The following DPYD variants were observed in gnomAD, a reference collection of about 807,000 sequenced individuals.
The protein encoded by DPYD is dihydropyrimidine dehydrogenase.
DPYD carries 109 observed loss-of-function variants against 116.2 expected under a neutral mutation model. That is an observed-to-expected ratio of 0.94 (90% CI 0.80 to 1.10). The LOEUF is 1.10. DPYD is among the 50% of genes least tolerant of loss of function. The pLI, the probability that DPYD is intolerant of heterozygous loss-of-function variation, is 0.00. For synonymous variants in DPYD, 440 were observed against 432.0 expected, an observed-to-expected ratio of 1.02 and a Z score of -0.23; for missense variants, 1,302 against 1,254.5, an observed-to-expected ratio of 1.04 and a Z score of -0.57.
intron 8 of DPYD, among the ~76,000 whole-genome samples, chr1:97,678,355 T>C (rs1052273830): frequency 2.0e-5 from 3 of 152,130 alleles, no homozygotes; most frequent in African/African-American, 7.2e-5. Flanking sequence ...AACAGTATAG[T>C]ACTAGTTCGT....
chr1:97,232,980 G>A (rs540868566), intron 19 of DPYD, among the ~76,000 whole-genome samples: 2 of 152,090 alleles, frequency 1.3e-5, no homozygotes, highest in Admixed American at 1.3e-4. Flanking sequence ...TTGAAATCTT[G>A]ACAATTTTGG....
chr1:97,437,308 T>C (rs1675523766), intron 14 of DPYD, among the ~76,000 whole-genome samples: 1 of 151,580 alleles, frequency 6.6e-6, no homozygotes, highest in Admixed American at 6.6e-5. Flanking sequence ...TGTTTTTTTT[T>C]TTGAATCTGG....
intron 19 of DPYD, among the ~76,000 whole-genome samples, chr1:97,211,509 G>A (rs1438646797): frequency 6.6e-6 from 1 of 152,098 alleles, no homozygotes; most frequent in East Asian, 1.9e-4. Flanking sequence ...TACACTGTTT[G>A]ATAATATGAA....
At chr1:97,406,702 C>G (rs2101652818) in intron 14 of DPYD, among the ~76,000 whole-genome samples, 1 of 152,100 alleles carries the variant, frequency 6.6e-6, no homozygotes, top group East Asian at 1.9e-4. Context: ...TTCCAAGTAC[C>G]TTACATGTGT....
chr1:97,268,945 T>C (rs1001076834), intron 18 of DPYD, among the ~76,000 whole-genome samples: 3 of 152,216 alleles, frequency 2.0e-5, no homozygotes, highest in African/African-American at 7.2e-5. Context: ...TGAGAGTTTT[T>C]CAATGTTTTC....
At chr1:97,591,766 A>G (rs1654537304) in intron 10 of DPYD, among the ~76,000 whole-genome samples, 1 of 152,122 alleles carries the variant, frequency 6.6e-6, no homozygotes, top group African/African-American at 2.4e-5. Context: ...TTCAAAACCT[A>G]TTTCTCAAGT....
At chr1:97,230,852 T>C (rs1241988662) in intron 19 of DPYD, among the ~76,000 whole-genome samples, 1 of 152,252 alleles carries the variant, frequency 6.6e-6, no homozygotes, top group East Asian at 1.9e-4. Flanking sequence ...AAAAGAGAGA[T>C]GGCAAAGGTC....
chr1:97,900,147 T>A (rs1013375282), intron 1 of DPYD, among the ~76,000 whole-genome samples: 4 of 152,056 alleles, frequency 2.6e-5, no homozygotes, highest in South Asian at 2.1e-4. Context: ...TTGTTTTTCC[T>A]GTTCTTCTCT....
chr1:97,899,691 G>A (rs12125748), intron 1 of DPYD, among the ~76,000 whole-genome samples: 2,229 of 151,846 alleles, frequency 0.015, 24 homozygotes, highest in Non-Finnish European at 0.024. Flanking sequence ...AAACAATACA[G>A]AAAAATTTTC....
chr1:97,136,919 T>C (rs1050392663), intron 20 of DPYD, among the ~76,000 whole-genome samples: 1 of 152,176 alleles, frequency 6.6e-6, no homozygotes. Flanking sequence ...ATCGTTAAAA[T>C]GGACAACTAA....
chr1:97,720,295 T>C (rs1662851098), intron 5 of DPYD: 2 of 985,276 alleles, frequency 2.0e-6, no homozygotes, highest in African/African-American at 1.7e-5. Context: ...GACCTTTCAC[T>C]TACTGCATCT....
chr1:97,549,977 G>T (rs2102086667), intron 11 of DPYD, among the ~76,000 whole-genome samples: 1 of 152,232 alleles, frequency 6.6e-6, no homozygotes, highest in African/African-American at 2.4e-5. Context: ...CCACAGATTT[G>T]GTCAATGTTT....
chr1:97,720,726 A>C (rs1662875915), intron 5 of DPYD: 8 of 1,425,074 alleles, frequency 5.6e-6, no homozygotes. Flanking sequence ...GTTGACGGGC[A>C]CTTAATTTGA....
chr1:97,146,229 T>G (rs2101707020), intron 20 of DPYD, among the ~76,000 whole-genome samples: 1 of 152,310 alleles, frequency 6.6e-6, no homozygotes, highest in Non-Finnish European at 1.5e-5. Flanking sequence ...ATAAGAAAAC[T>G]AATACAATGT....
chr1:97,625,493 T>A (rs1656878163), intron 8 of DPYD, among the ~76,000 whole-genome samples: 2 of 152,030 alleles, frequency 1.3e-5, no homozygotes, highest in African/African-American at 4.8e-5. Flanking sequence ...CTCAAATTGA[T>A]ATGCTGAAGT....
chr1:97,685,229 A>G (rs551240428), intron 7 of DPYD, among the ~76,000 whole-genome samples: 2 of 152,262 alleles, frequency 1.3e-5, no homozygotes, highest in African/African-American at 4.8e-5. Flanking sequence ...ATAAAGAGAA[A>G]TAAAGAAAAA....
intron 1 of DPYD, among the ~76,000 whole-genome samples, chr1:97,894,617 C>T (rs979570357): frequency 4.6e-5 from 7 of 151,538 alleles, no homozygotes; most frequent in Admixed American, 1.3e-4. Flanking sequence ...TAATGTAACA[C>T]TAGCTATTAA....
intron 13 of DPYD, among the ~76,000 whole-genome samples, chr1:97,480,508 G>A (rs776219092): frequency 6.6e-5 from 10 of 152,222 alleles, no homozygotes; most frequent in Non-Finnish European, 1.5e-4. Context: ...CTCTTCGGAA[G>A]CATGAATTTA....
chr1:97,231,484 G>A (rs1002972701), intron 19 of DPYD, among the ~76,000 whole-genome samples: 9 of 152,086 alleles, frequency 5.9e-5, no homozygotes, highest in African/African-American at 2.2e-4. Flanking sequence ...CTTACATGGC[G>A]GCAGGCAAGA....
Sources: gnomAD v4.1 joint callset for allele counts (sites outside exome capture counted in the v4.1 genomes callset) on GRCh38, gnomAD v4.1.1 for gene constraint, MANE v1.5 for transcripts, NCBI Gene and HGNC (gene_info 2026-07-23, HGNC 2026-07-21) for gene names.